IHO1: variants seen among roughly 807,000 people sequenced by gnomAD.
IHO1 encodes interactor of HORMAD1 1.
Under a neutral mutation model 31.0 loss-of-function variants are expected in IHO1, and 13 were observed. The observed-to-expected ratio is 0.42, with a 90% CI of 0.27 to 0.67. The LOEUF is 0.67. Ranked by LOEUF, IHO1 falls within the 30% of genes least tolerant of loss-of-function variation. The pLI is 0.24. For synonymous variants in IHO1, 221 were observed against 248.4 expected, an observed-to-expected ratio of 0.89 and a Z score of 1.04; for missense variants, 599 against 687.5, an observed-to-expected ratio of 0.87 and a Z score of 1.44.
chr3:49,236,767 T>C (rs1321970294), intron 3 of IHO1, 45 bp downstream of exon 3: 9 of 1,551,666 alleles, frequency 5.8e-6, no homozygotes, highest in African/African-American at 1.4e-5. Flanking sequence ...TTCACAGTCA[T>C]TATGGAGATA....
chr3:49,241,147 ACT>A (rs1322328544), intron 3 of IHO1, 77 bp from the exon 4 acceptor site: 18 of 1,174,278 alleles, frequency 1.5e-5, no homozygotes, highest in Middle Eastern at 2.3e-4. Flanking sequence ...CTTAAATGTG[ACT>A]CTGCATTGTA....
chr3:49,206,418 T>A (rs1575563993), intron 1 of IHO1, among the ~76,000 whole-genome samples: 1 of 147,824 alleles, frequency 6.8e-6, no homozygotes, highest in African/African-American at 2.5e-5. Context: ...TTAATAGAGA[T>A]GGGGTTTCAC....
At chr3:49,196,552 G>T (rs2045997798), upstream of IHO1, among the ~76,000 whole-genome samples, 1 of 150,308 alleles carries the variant, frequency 6.7e-6, no homozygotes, top group South Asian at 2.1e-4. Flanking sequence ...GCATGACCTC[G>T]GCTCACTGCA....
intron 1 of IHO1, among the ~76,000 whole-genome samples, chr3:49,203,769 C>T (rs2046099794): frequency 6.6e-6 from 1 of 152,076 alleles, no homozygotes; most frequent in African/African-American, 2.4e-5. Context: ...TGGTCAAATT[C>T]TAGATATATT....
chr3:49,212,296 G>C (rs972035083), intron 2 of IHO1, among the ~76,000 whole-genome samples: 1 of 151,780 alleles, frequency 6.6e-6, no homozygotes, highest in Non-Finnish European at 1.5e-5. Context: ...CACCTGAGGT[G>C]ATCAGGAGTT....
chr3:49,232,734 C>A (rs2046498272), intron 2 of IHO1, among the ~76,000 whole-genome samples: 1 of 152,146 alleles, frequency 6.6e-6, no homozygotes, highest in Non-Finnish European at 1.5e-5. Flanking sequence ...GGAAGAAAAC[C>A]TTAGGAAAGC....
At chr3:49,214,633 T>TA (rs71278651) in intron 2 of IHO1, among the ~76,000 whole-genome samples, 15 of 25,544 alleles carry the variant, frequency 5.9e-4, no homozygotes, top group African/African-American at 2.6e-3. Flanking sequence ...TATATATATA[T>TA]TTTTTTTTTT....
At chr3:49,229,169 A>G (rs2046453303) in intron 2 of IHO1, among the ~76,000 whole-genome samples, 2 of 152,312 alleles carry the variant, frequency 1.3e-5, no homozygotes, top group South Asian at 4.1e-4. Context: ...CAGAGCACTG[A>G]TTGGTGCATT....
chr3:49,194,429 G>A (rs1372466899), upstream of IHO1, among the ~76,000 whole-genome samples: 2 of 145,210 alleles, frequency 1.4e-5, no homozygotes, highest in Non-Finnish European at 3.0e-5. Context: ...TCAGCCTCCT[G>A]AGTAGCTGGG....
chr3:49,248,161 G>T (rs1474645516), intron 6 of IHO1, among the ~76,000 whole-genome samples: 1 of 145,798 alleles, frequency 6.9e-6, no homozygotes, highest in Non-Finnish European at 1.5e-5. Context: ...GGTGGCTCAC[G>T]CCTGTAATCC....
At chr3:49,241,627 T>C (rs2107726747) in intron 4 of IHO1, among the ~76,000 whole-genome samples, 1 of 149,076 alleles carries the variant, frequency 6.7e-6, no homozygotes, top group East Asian at 2.0e-4. Context: ...AATTATAGAT[T>C]GATTTTTTTT....
At chr3:49,194,525 T>G (rs2045986748), upstream of IHO1, among the ~76,000 whole-genome samples, 1 of 146,626 alleles carries the variant, frequency 6.8e-6, no homozygotes, top group African/African-American at 2.5e-5. Flanking sequence ...TCTCCTGACC[T>G]CGTGATCCAC....
Position 49,214,606 on chromosome 3 carries a change from T to TCATATATATATATATATATA in IHO1, c.56+2771_56+2790dup, listed in dbSNP as rs199698928. ...GTGAAAAACTATCTTTATTTCTAGA[T>TCATATATATATATATATATA]CATATATATATATATATATATATAT... is the stretch of plus-strand genomic sequence containing the variant. On this transcript the variant is annotated intron_variant, in intron 2 of 7. Transcript: ENST00000452691. Among the ~76,000 whole-genome samples, 444 of 49,432 alleles carry TCATATATATATATATATATA rather than the reference T, an allele frequency of 9.0e-3. 86 individuals are homozygous for TCATATATATATATATATATA. Among genetic ancestry groups the TCATATATATATATATATATA allele is most frequent in the East Asian group, 0.031 (8 of 260 alleles). The allele number at this position is 49,432 out of a possible 152,430, so 32.4% of individuals were successfully genotyped here. A position where few individuals can be genotyped will look rare whatever the true frequency, so the allele number is the denominator to read the frequency against.
upstream of IHO1, among the ~76,000 whole-genome samples, chr3:49,197,372 T>C (rs1449837411): frequency 4.0e-5 from 6 of 151,552 alleles, no homozygotes; most frequent in Non-Finnish European, 8.8e-5. Context: ...CATGGCTCAC[T>C]CTAACCTCAA....
intron 1 of IHO1, among the ~76,000 whole-genome samples, chr3:49,206,225 A>G (rs891397487): frequency 6.6e-6 from 1 of 151,694 alleles, no homozygotes; most frequent in Non-Finnish European, 1.5e-5. Flanking sequence ...CGGCCTCCCA[A>G]AGTGCTGGGA....
At chr3:49,254,296 G>A (rs757159058) in intron 6 of IHO1, among the ~76,000 whole-genome samples, 2 of 152,200 alleles carry the variant, frequency 1.3e-5, no homozygotes, top group Non-Finnish European at 2.9e-5. Flanking sequence ...ATAAATGTGT[G>A]TGTGTGTGTG....
Position 49,256,399 on chromosome 3 carries a change from C to T in IHO1, c.902C>T (p.Ala301Val), listed in dbSNP as rs915338545. ...AAACCAGTTTTATGGCAGGCCCAGG[C>T]CCTCCCTGCTGCATGGAATCCTGGT... Reference protein sequence around the residue: ...SEKPVLWQAQALPAAWNPGMG... With the variant: ...SEKPVLWQAQVLPAAWNPGMG... Residue 301 changes from alanine to valine, a missense_variant, in exon 8 of 8, where the codon GCC becomes GTC. Physicochemically the swap from Ala to Val is moderately conservative, Grantham distance 64 (BLOSUM62 0). Coordinates refer to ENST00000452691, the MANE Select transcript of IHO1 (RefSeq NM_001135197.2). This position sits in a 1 kb window ranked among gnomAD's most constrained non-coding sequence, Gnocchi z 4.6. The T allele has an allele frequency of 6.2e-7, 1 of 1,614,146 alleles. No individual in the cohort carries two copies.
upstream of IHO1, among the ~76,000 whole-genome samples, chr3:49,194,768 C>T (rs1326676846): frequency 6.6e-6 from 1 of 151,236 alleles, no homozygotes; most frequent in Non-Finnish European, 1.5e-5. Context: ...TGGTGACGTG[C>T]ACCTGTGGTC....
intron 4 of IHO1, among the ~76,000 whole-genome samples, chr3:49,242,012 C>T (rs1438749232): frequency 1.3e-5 from 2 of 151,716 alleles, no homozygotes; most frequent in Non-Finnish European, 2.9e-5. Flanking sequence ...GGCACAATCT[C>T]GGCTCACTGA....
Sources: allele counts gnomAD v4.1 joint callset (sites outside exome capture counted in the v4.1 genomes callset), GRCh38; gene constraint gnomAD v4.1.1; non-coding constraint Gnocchi (gnomAD v3.1); transcripts MANE v1.5; gene names NCBI Gene and HGNC (gene_info 2026-07-23, HGNC 2026-07-21).